GABRB1: variants seen among roughly 807,000 people sequenced by gnomAD.
GABRB1 encodes gamma-aminobutyric acid receptor subunit beta-1.
Under a neutral mutation model 51.6 loss-of-function variants are expected in GABRB1, and 17 were observed. The observed-to-expected ratio is 0.33, with a 90% CI of 0.23 to 0.49. The LOEUF is 0.49. Ranked by LOEUF, GABRB1 falls within the 20% of genes least tolerant of loss-of-function variation. The pLI, the probability that GABRB1 is intolerant of heterozygous loss-of-function variation, is 0.99. For synonymous variants in GABRB1, 247 were observed against 218.9 expected, an observed-to-expected ratio of 1.13 and a Z score of -1.14; for missense variants, 410 against 600.6, an observed-to-expected ratio of 0.68 and a Z score of 3.32.
At chr4:47,236,502 C>G (rs1445237792) in intron 4 of GABRB1, among the ~76,000 whole-genome samples, 2 of 152,088 alleles carry the variant, frequency 1.3e-5, no homozygotes, top group East Asian at 1.9e-4. Context: ...TCAGATAATA[C>G]TGGTGAAGAA....
chr4:47,205,642 T>A (rs1294673446), intron 4 of GABRB1, among the ~76,000 whole-genome samples: 4 of 152,132 alleles, frequency 2.6e-5, no homozygotes, highest in Admixed American at 2.6e-4. Flanking sequence ...GAAGTTTAGT[T>A]CAACAGCTAT....
chr4:47,044,181 C>T (rs968259993), intron 3 of GABRB1, among the ~76,000 whole-genome samples: 3 of 152,072 alleles, frequency 2.0e-5, no homozygotes, highest in Non-Finnish European at 1.5e-5. Flanking sequence ...AAATCAACAA[C>T]TCTAACTCCA....
intron 4 of GABRB1, among the ~76,000 whole-genome samples, chr4:47,280,424 C>T (rs889903165): frequency 6.6e-6 from 1 of 151,224 alleles, no homozygotes; most frequent in East Asian, 1.9e-4. Context: ...GATTTTCACA[C>T]CACTATTACA....
At chr4:47,193,476 T>C (rs933060145) in intron 4 of GABRB1, among the ~76,000 whole-genome samples, 2 of 152,212 alleles carry the variant, frequency 1.3e-5, no homozygotes, top group Non-Finnish European at 2.9e-5. Context: ...TAGCCAGTCT[T>C]CATGCAGTCT....
At chr4:47,155,134 G>A (rs1717635200) in intron 3 of GABRB1, among the ~76,000 whole-genome samples, 2 of 152,044 alleles carry the variant, frequency 1.3e-5, no homozygotes, top group Admixed American at 6.6e-5. Context: ...CCTCATGTGA[G>A]ATAGAATGTG....
chr4:47,085,176 T>C (rs1389015497), intron 3 of GABRB1, among the ~76,000 whole-genome samples: 1 of 152,222 alleles, frequency 6.6e-6, no homozygotes, highest in Non-Finnish European at 1.5e-5. Context: ...ATATTCAAAA[T>C]TCCTCTAGAA....
intron 5 of GABRB1, among the ~76,000 whole-genome samples, chr4:47,357,293 C>G (rs1726620806): frequency 6.6e-6 from 1 of 152,038 alleles, no homozygotes; most frequent in Non-Finnish European, 1.5e-5. Context: ...AAAAGTGACA[C>G]AGAGAGAAGA....
chr4:47,106,758 TG>T, intron 3 of GABRB1, among the ~76,000 whole-genome samples: 1 of 152,218 alleles, frequency 6.6e-6, no homozygotes, highest in South Asian at 2.1e-4. Flanking sequence ...GGTTGCTTAA[TG>T]TTTAGTCATC....
chr4:47,349,631 C>T (rs1726234760), intron 5 of GABRB1, among the ~76,000 whole-genome samples: 2 of 152,298 alleles, frequency 1.3e-5, no homozygotes, highest in South Asian at 4.2e-4. Context: ...ACACTGCCAC[C>T]CATCCACTAG....
At chr4:47,001,362 T>C (rs1462063917) in intron 1 of GABRB1, among the ~76,000 whole-genome samples, 5 of 152,096 alleles carry the variant, frequency 3.3e-5, no homozygotes, top group Non-Finnish European at 7.3e-5. Flanking sequence ...CAGGATGGTC[T>C]GAATCTCCTG....
chr4:47,130,375 G>GTGTGTA (rs1284041714), intron 3 of GABRB1, among the ~76,000 whole-genome samples: 30 of 83,118 alleles, frequency 3.6e-4, no homozygotes, highest in African/African-American at 1.2e-3. Context: ...GTGTGTGTGT[G>GTGTGTA]TGTGCTTTCT....
rs144321209 is a variant in GABRB1, at chr4:47,401,083, T to A, written c.545-2235T>A. ...TGTATATATATGCCACGTTTTTCTT[T>A]TGCCTTCATCAGTTGGTGGGCACTT... On this transcript the variant is annotated intron_variant, in intron 5 of 8. Coordinates refer to ENST00000295454, the MANE Select transcript of GABRB1 (RefSeq NM_000812.4). Among the ~76,000 whole-genome samples the A allele has an allele frequency of 4.9e-3, 750 of 152,266 alleles. 7 individuals carry two copies. Among genetic ancestry groups the A allele is most frequent in the African/African-American group, 0.017 (686 of 41,568 alleles).
chr4:47,425,180 T>C (rs1205292832), intron 8 of GABRB1, among the ~76,000 whole-genome samples: 1 of 152,190 alleles, frequency 6.6e-6, no homozygotes, highest in African/African-American at 2.4e-5. Flanking sequence ...CAGGCTGTAT[T>C]ATTAACTGAG....
intron 5 of GABRB1, among the ~76,000 whole-genome samples, chr4:47,320,763 C>CTTTTTTTT (rs1264288318): frequency 8.8e-5 from 10 of 113,308 alleles, no homozygotes; most frequent in African/African-American, 2.8e-4. Flanking sequence ...GTTTTCTTTT[C>CTTTTTTTT]TTTTTTCTTT....
intron 4 of GABRB1, among the ~76,000 whole-genome samples, chr4:47,245,580 C>A (rs1721707458): frequency 6.6e-6 from 1 of 152,038 alleles, no homozygotes; most frequent in African/African-American, 2.4e-5. Context: ...GGACAATCCA[C>A]AAACACAGTA....
Position 47,032,011 on chromosome 4 carries a change from G to C in GABRB1, c.172+6G>C. 6.2e-7 allele frequency: 1 copy of C among 1,601,864 alleles called. No homozygotes were observed. The highest frequency in any genetic ancestry group is 2.3e-5 in the East Asian group (1 of 42,754). On this transcript the variant is annotated splice_donor_region_variant and intron_variant, in intron 2 of 8. Transcript: ENST00000295454. ...CTTGCGGCCGGACTTCGGAGGTAAC[G>C]CTTCATCTTTTTTCAACCTGTAACC...
chr4:47,195,397 TAG>T lies in GABRB1; in HGVS notation c.461+33930_461+33931del, dbSNP rs1425058599. ...AATAAATAGATAGATAGATAGATGA[TAG>T]ATAGATAGATAGATAGATAGATAGA... is the stretch of plus-strand genomic sequence containing the variant. On this transcript the variant is annotated intron_variant, in intron 4 of 8. Coordinates refer to ENST00000295454, the MANE Select transcript of GABRB1 (RefSeq NM_000812.4). Among the ~76,000 whole-genome samples, 30 of 129,906 alleles carry T rather than the reference TAG, an allele frequency of 2.3e-4. No homozygotes were observed. In the South Asian group the frequency reaches 7.5e-3, roughly 33 times the overall value. The allele number at this position is 129,906 out of a possible 152,430, so 85.2% of individuals were successfully genotyped here.
chr4:47,031,786 G>A (rs1725313647), intron 1 of GABRB1, 55 bp downstream of exon 1: 2 of 1,554,226 alleles, frequency 1.3e-6, no homozygotes, highest in Non-Finnish European at 1.8e-6. Flanking sequence ...TTTTTTCTTG[G>A]TATGTTTCTT....
intron 3 of GABRB1, among the ~76,000 whole-genome samples, chr4:47,037,556 TG>T (rs1212808210): frequency 1.9e-4 from 4 of 21,374 alleles, no homozygotes; most frequent in Admixed American, 9.5e-4. Context: ...TGTTGTTTTT[TG>T]TTTTTTTTTT....
Sources: allele counts gnomAD v4.1 joint callset (sites outside exome capture counted in the v4.1 genomes callset), GRCh38; gene constraint gnomAD v4.1.1; transcripts MANE v1.5; gene names NCBI Gene and HGNC (gene_info 2026-07-23, HGNC 2026-07-21).